The following ELF5 variants were observed in gnomAD, a reference collection of about 807,000 sequenced individuals.
The protein encoded by ELF5 is ETS-related transcription factor Elf-5.
A neutral mutation model predicts 38.2 loss-of-function variants in ELF5; 31 were observed. The ratio of observed to expected loss-of-function variants is 0.81; its 90% CI spans 0.61 to 1.10. The LOEUF (loss-of-function observed/expected upper bound fraction) is 1.10, where lower values mean the gene tolerates loss of function less well. ELF5 is among the 50% of genes least tolerant of loss of function. ELF5 has a pLI of 0.00. For synonymous variants in ELF5, 121 were observed against 112.5 expected, an observed-to-expected ratio of 1.08 and a Z score of -0.48; for missense variants, 300 against 306.6, an observed-to-expected ratio of 0.98 and a Z score of 0.16.
chr11:34,500,315 A>G (rs1850430929), intron 2 of ELF5, among the ~76,000 whole-genome samples: 1 of 152,240 alleles, frequency 6.6e-6, no homozygotes, highest in African/African-American at 2.4e-5. Context: ...CAGGGGCACC[A>G]TCAATTGCAG....
intron 4 of ELF5, among the ~76,000 whole-genome samples, chr11:34,488,859 A>G (rs1850082232): frequency 6.6e-6 from 1 of 152,206 alleles, no homozygotes; most frequent in African/African-American, 2.4e-5. Context: ...CCCAGGCTTC[A>G]CAGGCTCATT....
At chr11:34,505,411 C>T (rs532933225) in intron 2 of ELF5, among the ~76,000 whole-genome samples, 2 of 152,322 alleles carry the variant, frequency 1.3e-5, no homozygotes, top group Non-Finnish European at 2.9e-5. Context: ...TGCACGGCCT[C>T]GAGGCCACAG....
At chr11:34,510,079 T>C (rs1590345608) in intron 1 of ELF5, among the ~76,000 whole-genome samples, 1 of 152,240 alleles carries the variant, frequency 6.6e-6, no homozygotes, top group East Asian at 1.9e-4. Flanking sequence ...TTTTTACCTC[T>C]TTTAATATTG....
chr11:34,491,192 G>A (rs1223344931), intron 3 of ELF5, among the ~76,000 whole-genome samples: 4 of 152,168 alleles, frequency 2.6e-5, no homozygotes, highest in African/African-American at 7.2e-5. Flanking sequence ...ACACTTTTGA[G>A]GATGAAAGGT....
chr11:34,510,602 A>C lies in ELF5; in HGVS notation c.-5+3075T>G, dbSNP rs561939139. On this transcript the variant is annotated intron_variant, in intron 1 of 6. Coordinates refer to ENST00000257832, the MANE Select transcript of ELF5 (RefSeq NM_001422.4). ...CACTGAGGCCCAGGGATATGTGAAC[A>C]CAGGCCTGAGGTTAGGCCAGGCCTG... 3.9e-5 allele frequency among the ~76,000 whole-genome samples: 6 copies of C among 152,286 alleles called. No homozygotes were observed. The South Asian group carries it at 1.0e-3, about 26-fold the overall frequency.
chr11:34,480,732 T>A lies in ELF5; in HGVS notation c.671+40A>T, dbSNP rs762296158. 2.5e-6 allele frequency: 4 copies of A among 1,600,042 alleles called. No homozygotes were observed. The Admixed American group carries it at 5.2e-5, about 21-fold the overall frequency. ...TCTACAGCCAGCCATTGTATATAAC[T>A]CTTCTTGAAGGCTCATAGTATTTTA... On this transcript the variant is annotated intron_variant, in intron 6 of 6. Coordinates refer to ENST00000257832, the MANE Select transcript of ELF5 (RefSeq NM_001422.4).
intron 3 of ELF5, among the ~76,000 whole-genome samples, chr11:34,491,231 G>T (rs968849877): frequency 6.6e-6 from 1 of 152,144 alleles, no homozygotes; most frequent in Non-Finnish European, 1.5e-5. Context: ...ATTACTCTAG[G>T]ATCACAGGCA....
intron 3 of ELF5, among the ~76,000 whole-genome samples, chr11:34,490,789 G>C (rs1250679902): frequency 6.6e-6 from 1 of 152,176 alleles, no homozygotes; most frequent in African/African-American, 2.4e-5. Flanking sequence ...AAGCAGACTG[G>C]AGCAGGGCAC....
At chr11:34,482,574 G>A in intron 4 of ELF5, 75 bp from the exon 5 acceptor site, 1 of 1,205,162 alleles carries the variant, frequency 8.3e-7, no homozygotes, top group Non-Finnish European at 1.2e-6. Flanking sequence ...ACCCAAATGA[G>A]CAAATACTAA....
chr11:34,483,854 T>C (rs1193276224), intron 4 of ELF5, among the ~76,000 whole-genome samples: 1 of 101,014 alleles, frequency 9.9e-6, no homozygotes, highest in African/African-American at 4.0e-5. Flanking sequence ...TACTGCACTA[T>C]ACTAACTATT....
chr11:34,502,301 T>G (rs925318569), intron 2 of ELF5, among the ~76,000 whole-genome samples: 19 of 152,302 alleles, frequency 1.2e-4, no homozygotes, highest in African/African-American at 4.3e-4. Context: ...GAATTCCAGA[T>G]AGTATTTCCT....
chr11:34,494,855 C>T (rs918903670), intron 2 of ELF5, among the ~76,000 whole-genome samples: 1 of 152,218 alleles, frequency 6.6e-6, no homozygotes, highest in African/African-American at 2.4e-5. Flanking sequence ...TATCATAGTG[C>T]TGTTCTGCAG....
In ELF5 at chr11:34,479,624, T is replaced by A. The variant is rs749812976; in HGVS notation, c.*594A>T. The stretch of plus-strand genomic sequence containing the variant: ...ATCACAGTACTTTGGGAGGCTGAGG[T>A]GGGAGGATCACTTGAGCATAGGAGT... On this transcript the variant is annotated 3_prime_UTR_variant, in exon 7 of 7. Coordinates refer to ENST00000257832, the MANE Select transcript of ELF5 (RefSeq NM_001422.4). The A allele has an allele frequency of 1.3e-5, 2 of 150,500 alleles. No homozygotes were observed. Among genetic ancestry groups the A allele is most frequent in the African/African-American group, 2.5e-5 (1 of 40,750 alleles). 9.3% of individuals were successfully genotyped at this position (150,500 alleles called of 1,614,324 possible).
chr11:34,485,349 C>T (rs1336490117), intron 4 of ELF5, among the ~76,000 whole-genome samples: 2 of 152,210 alleles, frequency 1.3e-5, no homozygotes, highest in South Asian at 2.1e-4. Flanking sequence ...GTCAGATGCT[C>T]ACTCAACCTT....
intron 4 of ELF5, among the ~76,000 whole-genome samples, chr11:34,485,610 A>T (rs929544799): frequency 6.6e-5 from 10 of 152,250 alleles, no homozygotes; most frequent in African/African-American, 2.2e-4. Context: ...AACACAGTAC[A>T]GATCAGCATG....
At chr11:34,490,094 T>C (rs779404000) in intron 3 of ELF5, 35 bp from the exon 4 acceptor site, 8 of 1,611,632 alleles carry the variant, frequency 5.0e-6, no homozygotes, top group East Asian at 2.2e-5. Context: ...AACCATACCA[T>C]GCAATCCTGG....
intron 5 of ELF5, among the ~76,000 whole-genome samples, chr11:34,481,665 C>A (rs1011404682): frequency 6.6e-6 from 1 of 152,110 alleles, no homozygotes; most frequent in Non-Finnish European, 1.5e-5. Context: ...GTGGACTGAT[C>A]CTGCAAATTC....
intron 4 of ELF5, among the ~76,000 whole-genome samples, chr11:34,484,511 T>C (rs1208680906): frequency 6.6e-6 from 1 of 151,536 alleles, no homozygotes; most frequent in African/African-American, 2.4e-5. Flanking sequence ...TACTATACTA[T>C]ACTATACTAT....
intron 2 of ELF5, among the ~76,000 whole-genome samples, chr11:34,494,300 C>T (rs1850260781): frequency 6.6e-6 from 1 of 152,180 alleles, no homozygotes; most frequent in South Asian, 2.1e-4. Flanking sequence ...TTTTGATTCC[C>T]TATGCTTTAA....
Sources: allele counts gnomAD v4.1 joint callset (sites outside exome capture counted in the v4.1 genomes callset), GRCh38; gene constraint gnomAD v4.1.1; transcripts MANE v1.5; gene names NCBI Gene and HGNC (gene_info 2026-07-23, HGNC 2026-07-21).